The following CNTLN variants were observed in gnomAD, a reference collection of about 807,000 sequenced individuals.
The protein encoded by CNTLN is centlein.
Under a neutral mutation model 180.0 loss-of-function variants are expected in CNTLN, and 212 were observed. That is an observed-to-expected ratio of 1.18 (90% CI 1.05 to 1.32). The LOEUF (loss-of-function observed/expected upper bound fraction) is 1.32. CNTLN is among the 40% of genes most tolerant of loss of function. The probability of loss-of-function intolerance (pLI) is 0.00; values close to 1 mark genes in which losing one functional copy is unlikely to be tolerated. For synonymous variants in CNTLN, 722 were observed against 563.1 expected, an observed-to-expected ratio of 1.28 and a Z score of -3.99; for missense variants, 2,095 against 1,610.9, an observed-to-expected ratio of 1.30 and a Z score of -5.14.
chr9:17,342,406 A>G lies in CNTLN; in HGVS notation c.1848A>G (p.Ala616=), dbSNP rs375069849. Residue 616 remains alanine (A), a synonymous_variant, in exon 12 of 26, where the codon GCA becomes GCG. Transcript: ENST00000380647. ...EDSDAVWNEL[A]YFKRENQELM... The stretch of plus-strand genomic sequence containing the variant: ...CTGACGCTGTGTGGAATGAACTGGC[A>G]TATTTCAAAAGGGAAAACCAGGAGC... 7 of 1,610,690 alleles carry G rather than the reference A, an allele frequency of 4.3e-6. No individual in the cohort carries two copies. Among genetic ancestry groups the G allele is most frequent in the African/African-American group, 2.7e-5 (2 of 74,824 alleles).
intron 1 of CNTLN, 133 bp downstream of exon 1, chr9:17,135,558 T>C (rs1817652979): frequency 3.3e-6 from 4 of 1,224,738 alleles, no homozygotes; most frequent in African/African-American, 1.6e-5. Flanking sequence ...ACACCCTGCT[T>C]CGCTCGCGGC....
intron 8 of CNTLN, among the ~76,000 whole-genome samples, chr9:17,326,247 C>T (rs1008700303): frequency 1.3e-5 from 2 of 151,804 alleles, no homozygotes; most frequent in East Asian, 3.9e-4. Context: ...TAGCACTATA[C>T]CATTGTATTT....
intron 2 of CNTLN, among the ~76,000 whole-genome samples, chr9:17,163,996 G>A (rs1308168509): frequency 6.6e-6 from 1 of 151,384 alleles, no homozygotes; most frequent in Non-Finnish European, 1.5e-5. Flanking sequence ...TCCAGCCTGG[G>A]CAACAGAGCA....
At chr9:17,318,617 A>AT (rs1819694291) in intron 8 of CNTLN, among the ~76,000 whole-genome samples, 1 of 152,182 alleles carries the variant, frequency 6.6e-6, no homozygotes, top group Non-Finnish European at 1.5e-5. Flanking sequence ...TGAATTTGCT[A>AT]TTTTTTGAGG....
chr9:17,471,702 T>C (rs1178438864), intron 23 of CNTLN, among the ~76,000 whole-genome samples: 1 of 152,108 alleles, frequency 6.6e-6, no homozygotes, highest in African/African-American at 2.4e-5. Flanking sequence ...AATGATAATT[T>C]ACAGGGTTTT....
intron 2 of CNTLN, among the ~76,000 whole-genome samples, chr9:17,209,673 C>T (rs1041174645): frequency 6.6e-6 from 1 of 152,130 alleles, no homozygotes; most frequent in Non-Finnish European, 1.5e-5. Flanking sequence ...GTATAATGAG[C>T]TTGTCTCTTT....
At chr9:17,505,289 ACT>A (rs566101681), downstream of CNTLN, among the ~76,000 whole-genome samples, 51 of 151,956 alleles carry the variant, frequency 3.4e-4, 1 homozygote, top group Non-Finnish European at 5.7e-4. Context: ...AACTCTCACC[ACT>A]CTCTCTCAAC....
chr9:17,163,951 G>A (rs1819865012), intron 2 of CNTLN, among the ~76,000 whole-genome samples: 1 of 151,830 alleles, frequency 6.6e-6, no homozygotes, highest in Admixed American at 6.6e-5. Flanking sequence ...CCCAGGAAGT[G>A]TAGGTTGCAG....
At position 17,330,638 on chromosome 9, in the gene CNTLN, C is replaced by G; in HGVS notation, c.1348C>G (p.His450Asp). The G allele has an allele frequency of 6.3e-7, 1 of 1,575,664 alleles. No individual in the cohort carries two copies. The highest frequency in any genetic ancestry group is 8.6e-7 in the Non-Finnish European group (1 of 1,160,528). The part of the protein sequence containing the change: ...SDPDYSAQVP[H>D]RPSLSSLETL... Reference sequence around the variant, plus strand: ...ATTATACTTTTTAAAATAGGTACCTCATCGCCCATCCTTATCAAGCTTAGA... The same window carrying G: ...ATTATACTTTTTAAAATAGGTACCTGATCGCCCATCCTTATCAAGCTTAGA... The change falls in exon 9 of 26, where the codon CAT becomes GAT. Residue 450 changes from histidine (H) to aspartate (D), a missense_variant. Coordinates refer to ENST00000380647, the MANE Select transcript of CNTLN (RefSeq NM_017738.4).
chr9:17,524,646 G>C, the CNTLN span, among the ~76,000 whole-genome samples: 5 of 152,176 alleles, frequency 3.3e-5, no homozygotes, highest in African/African-American at 1.2e-4. Context: ...ATTGAATGCA[G>C]CTTAAACTTT....
chr9:17,498,657 C>G (rs557962834), intron 25 of CNTLN, among the ~76,000 whole-genome samples: 2 of 152,280 alleles, frequency 1.3e-5, no homozygotes, highest in African/African-American at 4.8e-5. Context: ...CTAAAGAGTT[C>G]AAGCATGTCT....
intron 2 of CNTLN, among the ~76,000 whole-genome samples, chr9:17,200,451 A>C (rs1822442809): frequency 6.6e-6 from 1 of 152,040 alleles, no homozygotes; most frequent in African/African-American, 2.4e-5. Context: ...TACGATATTG[A>C]TTCTTCCTAT....
chr9:17,261,014 T>A (rs1006235855), intron 5 of CNTLN, among the ~76,000 whole-genome samples: 1 of 151,420 alleles, frequency 6.6e-6, no homozygotes, highest in African/African-American at 2.5e-5. Flanking sequence ...GGGTTCTCTA[T>A]TCTGTTCCAT....
intron 15 of CNTLN, among the ~76,000 whole-genome samples, chr9:17,399,070 A>C (rs553340784): frequency 6.6e-6 from 1 of 152,294 alleles, no homozygotes; most frequent in South Asian, 2.1e-4. Context: ...TTGCCTTCCT[A>C]CAATTTGCTG....
At chr9:17,234,354 G>C (rs978801649) in intron 3 of CNTLN, among the ~76,000 whole-genome samples, 2 of 151,788 alleles carry the variant, frequency 1.3e-5, no homozygotes, top group East Asian at 1.9e-4. Flanking sequence ...GAGGTGGGAG[G>C]ATCCCTTGAG....
intron 9 of CNTLN, among the ~76,000 whole-genome samples, 158 bp from the exon 10 acceptor site, chr9:17,332,447 G>C (rs1354146105): frequency 6.6e-6 from 1 of 150,964 alleles, no homozygotes; most frequent in African/African-American, 2.4e-5. Flanking sequence ...GTAGCACTGT[G>C]GTAATTCCGC....
In CNTLN at chr9:17,135,104, C is replaced by T. The variant is rs1156679195; in HGVS notation, c.39C>T (p.Pro13=). The part of the protein sequence containing the change: ...ARSPPSPHPS[P]PARQLGPRSP... ...CGCCTCCCTCACCGCACCCTTCGCC[C>T]CCAGCGCGACAGCTGGGCCCCAGGT... is the stretch of plus-strand genomic sequence containing the variant. Residue 13 remains proline (P), a synonymous_variant, in exon 1 of 26, where the codon CCC becomes CCT. Coordinates refer to ENST00000380647, the MANE Select transcript of CNTLN (RefSeq NM_017738.4). The T allele has an allele frequency of 6.2e-7, 1 of 1,605,728 alleles. No individual in the cohort carries two copies. The highest frequency in any genetic ancestry group is 1.1e-5 in the South Asian group (1 of 89,690).
intron 3 of CNTLN, among the ~76,000 whole-genome samples, chr9:17,229,458 C>A (rs544998391): frequency 6.6e-6 from 1 of 151,978 alleles, no homozygotes; most frequent in Non-Finnish European, 1.5e-5. Flanking sequence ...AGTAATAGCT[C>A]ACGCAGTCGT....
chr9:17,405,465 C>T (rs1037933021), intron 15 of CNTLN, among the ~76,000 whole-genome samples: 18 of 151,722 alleles, frequency 1.2e-4, no homozygotes, highest in African/African-American at 3.7e-4. Flanking sequence ...GAAGGTGGAA[C>T]GGCAAGGAGC....
Sources: allele counts gnomAD v4.1 joint callset (sites outside exome capture counted in the v4.1 genomes callset), GRCh38; gene constraint gnomAD v4.1.1; transcripts MANE v1.5; gene names NCBI Gene and HGNC (gene_info 2026-07-23, HGNC 2026-07-21).